The following ACCSL variants were observed in gnomAD, a reference collection of about 807,000 sequenced individuals.
ACCSL encodes probable inactive 1-aminocyclopropane-1-carboxylate synthase-like protein 2.
Under a neutral mutation model 61.7 loss-of-function variants are expected in ACCSL, and 55 were observed. That is an observed-to-expected ratio of 0.89 (90% CI 0.72 to 1.12). The LOEUF (loss-of-function observed/expected upper bound fraction) is 1.12, where lower values mean the gene tolerates loss of function less well. ACCSL is among the 50% of genes most tolerant of loss of function. The pLI is 0.00. For missense variants in ACCSL, 632 were observed against 698.0 expected (o/e 0.91, Z 1.07); for synonymous variants, 258 against 264.3 (o/e 0.98, Z 0.23).
At chr11:43,997,293 T>C in the ACCSL span, among the ~76,000 whole-genome samples, 1 of 152,178 alleles carries the variant, frequency 6.6e-6, no homozygotes, top group African/African-American at 2.4e-5. Flanking sequence ...CTGGCTGGAC[T>C]GTTTCTTGAA....
the ACCSL span, among the ~76,000 whole-genome samples, chr11:43,961,701 T>TTCTCTCTCTCTC: frequency 3.1e-4 from 47 of 151,138 alleles, 1 homozygote; most frequent in East Asian, 4.1e-3. Context: ...TATTGTTTTG[T>TTCTCTCTCTCTC]TCTCTCTCTC....
At chr11:43,943,253 G>C in the ACCSL span, 1 of 1,521,056 alleles carries the variant, frequency 6.6e-7, no homozygotes, top group Non-Finnish European at 8.8e-7. The surrounding 1 kb of genome is among the most constrained non-coding windows in gnomAD (Gnocchi z 4.8). Context: ...GGACTCCAGC[G>C]ACTCCGACTC....
the ACCSL span, among the ~76,000 whole-genome samples, chr11:44,011,088 G>A: frequency 2.2e-4 from 34 of 152,266 alleles, no homozygotes; most frequent in South Asian, 5.0e-3. Context: ...ACCCAAGAGC[G>A]TACATCTGTC....
the ACCSL span, among the ~76,000 whole-genome samples, chr11:44,032,447 G>A: frequency 2.6e-5 from 4 of 152,302 alleles, no homozygotes; most frequent in South Asian, 8.3e-4. Flanking sequence ...TATTCACTGT[G>A]GGTCAGCAAT....
the ACCSL span, among the ~76,000 whole-genome samples, chr11:44,012,229 G>A: frequency 2.6e-5 from 4 of 152,050 alleles, no homozygotes; most frequent in Non-Finnish European, 5.9e-5. Flanking sequence ...CCTGATGCTG[G>A]CTAGGTATGG....
At chr11:43,949,888 C>T in the ACCSL span, among the ~76,000 whole-genome samples, 44 of 152,136 alleles carry the variant, frequency 2.9e-4, no homozygotes, top group African/African-American at 9.7e-4. Flanking sequence ...AATTTGCCCT[C>T]GAGGAAGGGC....
chr11:43,986,562 C>G, the ACCSL span, among the ~76,000 whole-genome samples: 22 of 152,146 alleles, frequency 1.4e-4, no homozygotes, highest in Non-Finnish European at 7.4e-5. Flanking sequence ...ATGCTGAGCT[C>G]TTGCTCACTC....
Position 44,050,589 on chromosome 11 carries a change from TG to T in ACCSL, c.603del (p.Leu201PhefsTer21), listed in dbSNP as rs1270910016. On this transcript the variant is annotated frameshift_variant, in exon 3 of 14. Coordinates refer to ENST00000378832, the MANE Select transcript of ACCSL (RefSeq NM_001031854.2). LOFTEE classifies it high-confidence loss of function. The part of the protein sequence containing the change: ...ESDMNCIEDT[L>X]LQYPDWRGQP... The stretch of plus-strand genomic sequence containing the variant: ...GACATGAACTGCATTGAGGACACCT[TG>T]CTTCAGTACCCTGATTGGAGAGGGC... The T allele has an allele frequency of 6.2e-7, 1 of 1,614,144 alleles. No individual in the cohort carries two copies. The highest frequency in any genetic ancestry group is 1.7e-5 in the Admixed American group (1 of 60,016).
chr11:44,035,440 G>A, the ACCSL span, among the ~76,000 whole-genome samples: 1 of 152,118 alleles, frequency 6.6e-6, no homozygotes, highest in Admixed American at 6.5e-5. Flanking sequence ...AAAGCAGAGA[G>A]CTGGTTTTTG....
the ACCSL span, among the ~76,000 whole-genome samples, chr11:43,954,601 T>G: frequency 1.5e-5 from 2 of 129,292 alleles, no homozygotes; most frequent in Non-Finnish European, 3.3e-5. Context: ...TTTTTTTTTT[T>G]GAGGTGGAAT....
chr11:43,932,679 C>T, the ACCSL span, among the ~76,000 whole-genome samples: 2 of 152,208 alleles, frequency 1.3e-5, no homozygotes, highest in Non-Finnish European at 1.5e-5. Context: ...TCGTGAAAGT[C>T]GTCTTTGCAG....
upstream of ACCSL, among the ~76,000 whole-genome samples, chr11:44,045,831 G>T (rs1214902942): frequency 1.3e-5 from 2 of 152,218 alleles, no homozygotes; most frequent in African/African-American, 4.8e-5. Flanking sequence ...CCAAAGAGCT[G>T]TCCCATCTTT....
At chr11:43,935,955 G>C in the ACCSL span, among the ~76,000 whole-genome samples, 1 of 152,158 alleles carries the variant, frequency 6.6e-6, no homozygotes, top group Non-Finnish European at 1.5e-5. Context: ...CCCTCCCACA[G>C]CTCTGAGCCC....
At chr11:43,939,576 T>C in the ACCSL span, among the ~76,000 whole-genome samples, 1 of 143,910 alleles carries the variant, frequency 6.9e-6, no homozygotes, top group Non-Finnish European at 1.5e-5. Context: ...GGCACCACCA[T>C]CACACACTTG....
upstream of ACCSL, among the ~76,000 whole-genome samples, chr11:44,044,322 G>A (rs1388450207): frequency 6.6e-6 from 1 of 152,080 alleles, no homozygotes; most frequent in Non-Finnish European, 1.5e-5. Flanking sequence ...TCTTCACTGG[G>A]CTTCAGTTTC....
At chr11:43,944,748 G>C in the ACCSL span, 1 of 152,428 alleles carries the variant, frequency 6.6e-6, no homozygotes, top group Admixed American at 6.5e-5. Context: ...AAATCCTCTG[G>C]TTTAGCAGTG....
At chr11:43,940,439 T>A in the ACCSL span, among the ~76,000 whole-genome samples, 1 of 150,838 alleles carries the variant, frequency 6.6e-6, no homozygotes, top group African/African-American at 2.4e-5. Context: ...CACTGCAAGC[T>A]CCACCTCCCG....
At chr11:43,932,539 G>C in the ACCSL span, among the ~76,000 whole-genome samples, 3 of 152,170 alleles carry the variant, frequency 2.0e-5, no homozygotes, top group Non-Finnish European at 1.5e-5. Flanking sequence ...AAAGTGCTGG[G>C]GATTACAGGT....
At position 44,056,281 on chromosome 11, in the gene ACCSL, T is replaced by A. The variant is rs1286028251; in HGVS notation, c.1282T>A (p.Ser428Thr). 6.2e-7 allele frequency: 1 copy of A among 1,614,244 alleles called. No homozygotes were observed. The highest frequency in any genetic ancestry group is 1.7e-5 in the Admixed American group (1 of 60,026). ...VSAFGYLHSI[S>T]GITQHKLCQL... ...TGCCTTTGGCTACCTCCACAGTATT[T>A]CTGGCATCACCCAGCACAAGCTGTG... The change falls in exon 11 of 14, where the codon TCT (serine) becomes ACT (threonine). Residue 428 changes from serine to threonine, a missense_variant. Physicochemically the swap from Ser to Thr is moderately conservative, Grantham distance 58 (BLOSUM62 1). Transcript: ENST00000378832.
Sources: allele counts gnomAD v4.1 joint callset (sites outside exome capture counted in the v4.1 genomes callset), GRCh38; gene constraint gnomAD v4.1.1; non-coding constraint Gnocchi (gnomAD v3.1); transcripts MANE v1.5; gene names NCBI Gene and HGNC (gene_info 2026-07-23, HGNC 2026-07-21).